Variants in MCC observed in about 807,000 individuals in gnomAD.
MCC encodes MCC regulator of Wnt signaling pathway, also known as colorectal mutant cancer protein.
MCC carries 90 observed loss-of-function variants against 116.2 expected under a neutral mutation model. The ratio of observed to expected loss-of-function variants is 0.77; its 90% confidence interval spans 0.65 to 0.92. MCC has a LOEUF of 0.92. Ranked by LOEUF, MCC falls within the 40% of genes least tolerant of loss-of-function variation. The pLI is 0.00. For missense variants in MCC, 1,516 were observed against 1,312.2 expected (o/e 1.16, Z -2.40); for synonymous variants, 578 against 510.5 (o/e 1.13, Z -1.78).
intron 1 of MCC, among the ~76,000 whole-genome samples, chr5:113,406,866 C>A (rs537228297): frequency 6.6e-6 from 1 of 152,268 alleles, no homozygotes; most frequent in Admixed American, 6.5e-5. Flanking sequence ...GAAGAGATTT[C>A]AAAGGTGGGA....
intron 3 of MCC, among the ~76,000 whole-genome samples, chr5:113,337,378 T>C (rs1208549919): frequency 6.6e-6 from 1 of 152,182 alleles, no homozygotes; most frequent in Non-Finnish European, 1.5e-5. Flanking sequence ...TTTGGTTTCC[T>C]GCTTGCCAGC....
intron 6 of MCC, among the ~76,000 whole-genome samples, chr5:113,121,601 G>C (rs1034274363): frequency 1.3e-5 from 2 of 152,012 alleles, no homozygotes; most frequent in Non-Finnish European, 2.9e-5. Flanking sequence ...AAATTTCTTT[G>C]GATACACTCT....
chr5:113,131,782 C>G (rs1044020739), intron 5 of MCC, among the ~76,000 whole-genome samples: 35 of 152,204 alleles, frequency 2.3e-4, no homozygotes, highest in African/African-American at 8.0e-4. Context: ...AGAGTTAAAA[C>G]TCTATCCAGA....
Position 113,151,177 on chromosome 5 carries a change from G to A in MCC, c.741+132C>T, listed in dbSNP as rs1033690005. 11 of 633,808 alleles carry A rather than the reference G, an allele frequency of 1.7e-5. No homozygotes were observed. In the Admixed American group the frequency reaches 2.6e-4, roughly 15 times the overall value. The allele number at this position is 633,808 out of a possible 1,614,324, so 39.3% of individuals were successfully genotyped here. ...GGCATTTGTTACAGCAGCCAGAGCA[G>A]ACCAAGACAGAGTATTTGCTGATAA... On this transcript the variant is annotated intron_variant, in intron 4 of 18. Coordinates refer to ENST00000408903, the MANE Select transcript of MCC (RefSeq NM_001085377.2).
intron 3 of MCC, among the ~76,000 whole-genome samples, chr5:113,158,990 A>G (rs1867323): frequency 0.94 from 143,385 of 152,136 alleles, 67,878 homozygotes; most frequent in Non-Finnish European, 0.99. Flanking sequence ...GGCAGGGCTG[A>G]AGACATGGGA....
chr5:113,326,461 T>C (rs1270303236), intron 3 of MCC, among the ~76,000 whole-genome samples: 1 of 152,150 alleles, frequency 6.6e-6, no homozygotes, highest in Non-Finnish European at 1.5e-5. Flanking sequence ...AGAGGCCAAA[T>C]GCTGTGTCTT....
intron 16 of MCC, chr5:113,044,517 C>A (rs1029603983): frequency 6.1e-6 from 6 of 980,408 alleles, no homozygotes; most frequent in Middle Eastern, 1.1e-3. Context: ...TACCAAGCTG[C>A]AGACCTGAGA....
intron 1 of MCC, among the ~76,000 whole-genome samples, chr5:113,481,971 C>A (rs956780682): frequency 6.6e-6 from 1 of 152,208 alleles, no homozygotes; most frequent in Non-Finnish European, 1.5e-5. Context: ...CACTAATCCA[C>A]TTTCTATCTC....
intron 17 of MCC, among the ~76,000 whole-genome samples, chr5:113,032,409 A>C (rs1466637755): frequency 8.9e-6 from 1 of 111,850 alleles, no homozygotes; most frequent in Non-Finnish European, 1.7e-5. Flanking sequence ...ACTCTGTATC[A>C]AAAAAAAAAA....
At chr5:113,085,388 G>T in intron 8 of MCC, 78 bp from the exon 9 acceptor site, 1 of 1,429,678 alleles carries the variant, frequency 7.0e-7, no homozygotes. Context: ...GTAGGTGGTG[G>T]GGCTTTCATT....
chr5:113,477,558 T>A (rs968196226), intron 1 of MCC, among the ~76,000 whole-genome samples: 1 of 152,212 alleles, frequency 6.6e-6, no homozygotes, highest in Admixed American at 6.5e-5. Context: ...GCAGTCTATA[T>A]GCTGCAGAAC....
intron 2 of MCC, among the ~76,000 whole-genome samples, chr5:113,374,811 T>A (rs570254595): frequency 2.2e-4 from 34 of 151,756 alleles, no homozygotes; most frequent in African/African-American, 7.3e-4. Flanking sequence ...GGCAACATGG[T>A]GAAATCCCAT....
intron 1 of MCC, among the ~76,000 whole-genome samples, chr5:113,423,150 T>C (rs1770384794): frequency 6.6e-6 from 1 of 152,244 alleles, no homozygotes; most frequent in African/African-American, 2.4e-5. Context: ...ATCATCCTTT[T>C]CATGGTCTAT....
At chr5:113,093,818 G>C (rs1321061977) in intron 8 of MCC, among the ~76,000 whole-genome samples, 2 of 152,150 alleles carry the variant, frequency 1.3e-5, no homozygotes, top group South Asian at 4.1e-4. Context: ...AGCAGGATCA[G>C]AAACATTTTT....
intron 3 of MCC, among the ~76,000 whole-genome samples, chr5:113,242,935 C>T (rs1297017131): frequency 6.6e-6 from 1 of 152,140 alleles, no homozygotes; most frequent in African/African-American, 2.4e-5. Context: ...GTTTCCTCTC[C>T]TCAGTGAGAG....
chr5:113,277,355 G>A (rs1765869822), intron 3 of MCC, among the ~76,000 whole-genome samples: 2 of 135,418 alleles, frequency 1.5e-5, no homozygotes, highest in African/African-American at 6.3e-5. Flanking sequence ...GTGACAGAGT[G>A]AGACTCCATC....
intron 5 of MCC, among the ~76,000 whole-genome samples, chr5:113,135,065 C>T (rs1407136421): frequency 6.6e-6 from 1 of 151,276 alleles, no homozygotes; most frequent in Non-Finnish European, 1.5e-5. Flanking sequence ...CCTCAGCCTC[C>T]TGAGTAGCTG....
At chr5:113,275,513 G>A (rs1765788229) in intron 3 of MCC, among the ~76,000 whole-genome samples, 1 of 152,072 alleles carries the variant, frequency 6.6e-6, no homozygotes. Context: ...GACTCCACTA[G>A]GCCCCAGGGA....
At chr5:113,074,398 C>A (rs1338529806) in intron 11 of MCC, among the ~76,000 whole-genome samples, 1 of 152,182 alleles carries the variant, frequency 6.6e-6, no homozygotes. Flanking sequence ...TCATCAATGA[C>A]CAAAGGTAGA....
Sources: allele counts gnomAD v4.1 joint callset (sites outside exome capture counted in the v4.1 genomes callset), GRCh38; gene constraint gnomAD v4.1.1; transcripts MANE v1.5; gene names NCBI Gene and HGNC (gene_info 2026-07-23, HGNC 2026-07-21).